The following SIPA1L1 variants were observed in gnomAD, a reference collection of about 807,000 sequenced individuals.
The protein encoded by SIPA1L1 is signal-induced proliferation-associated 1-like protein 1.
SIPA1L1 carries 26 observed loss-of-function variants against 162.7 expected under a neutral mutation model. That is an observed-to-expected ratio of 0.16 (90% confidence interval 0.12 to 0.22). The LOEUF is 0.22. SIPA1L1 is among the 10% of genes least tolerant of loss of function. The probability of loss-of-function intolerance (pLI) is 1.00; values close to 1 mark genes in which losing one functional copy is unlikely to be tolerated. For synonymous variants in SIPA1L1, 829 were observed against 837.4 expected (o/e 0.99, Z 0.17); for missense variants, 1,874 against 2,241.0 (o/e 0.84, Z 3.31).
chr14:71,629,083 A>T (rs1456265555), intron 7 of SIPA1L1, among the ~76,000 whole-genome samples: 2 of 151,992 alleles, frequency 1.3e-5, no homozygotes, highest in South Asian at 4.2e-4. Flanking sequence ...GACTACAGGC[A>T]CCCGCCACCA....
At chr14:71,506,883 G>A (rs1189893680) in intron 2 of SIPA1L1, among the ~76,000 whole-genome samples, 2 of 142,628 alleles carry the variant, frequency 1.4e-5, no homozygotes, top group East Asian at 4.2e-4. Context: ...AGGGTGGTCT[G>A]GAACTCCTGG....
At chr14:71,579,193 T>G (rs551199938) in intron 4 of SIPA1L1, among the ~76,000 whole-genome samples, 1 of 152,350 alleles carries the variant, frequency 6.6e-6, no homozygotes, top group East Asian at 1.9e-4. Context: ...TTTTAGCTCC[T>G]TAAGTAGATT....
At chr14:71,559,057 C>T (rs1232648001) in intron 4 of SIPA1L1, among the ~76,000 whole-genome samples, 1 of 151,452 alleles carries the variant, frequency 6.6e-6, no homozygotes, top group Non-Finnish European at 1.5e-5. Context: ...ATCGTAATTT[C>T]AGCTTTACTT....
chr14:71,507,013 T>G (rs1342091909), intron 2 of SIPA1L1, among the ~76,000 whole-genome samples: 1 of 152,110 alleles, frequency 6.6e-6, no homozygotes, highest in Non-Finnish European at 1.5e-5. Context: ...TATTTTATAT[T>G]GTAGAATTTC....
At chr14:71,363,455 G>A (rs1255053483) in intron 2 of SIPA1L1, among the ~76,000 whole-genome samples, 2 of 152,144 alleles carry the variant, frequency 1.3e-5, no homozygotes, top group Admixed American at 6.5e-5. Flanking sequence ...GATTGTCATA[G>A]TGTTTCTGGA....
intron 2 of SIPA1L1, among the ~76,000 whole-genome samples, chr14:71,393,229 A>G (rs1566967140): frequency 1.3e-5 from 2 of 152,218 alleles, no homozygotes; most frequent in East Asian, 1.9e-4. Flanking sequence ...AAAATTGTCA[A>G]GTTATTATAA....
intron 4 of SIPA1L1, among the ~76,000 whole-genome samples, chr14:71,583,046 G>A (rs2034149891): frequency 6.6e-6 from 1 of 152,180 alleles, no homozygotes; most frequent in African/African-American, 2.4e-5. Context: ...TAATATTCAA[G>A]TACTGTGAAG....
rs545724154 is a variant in SIPA1L1 at position 71,736,758 on chromosome 14, AAG to A, written c.5123+1369_5123+1370del. 5.9e-5 allele frequency among the ~76,000 whole-genome samples: 9 copies of A among 152,328 alleles called. No individual in the cohort carries two copies. In the South Asian group the frequency reaches 1.9e-3, roughly 32 times the overall value. On this transcript the variant is annotated intron_variant, in intron 22 of 23. Coordinates refer to ENST00000381232, the MANE Select transcript of SIPA1L1 (RefSeq NM_001386936.1). Reference sequence around the variant, plus strand: ...CAACAGAGAGAAGTGTGAGTGAGCCAAGACTGTTTTCCTGTGAAAGGATTATT... The same window carrying A: ...CAACAGAGAGAAGTGTGAGTGAGCCAACTGTTTTCCTGTGAAAGGATTATT...
chr14:71,697,179 G>A (rs1167992241), intron 13 of SIPA1L1, among the ~76,000 whole-genome samples: 1 of 152,128 alleles, frequency 6.6e-6, no homozygotes, highest in African/African-American at 2.4e-5. Context: ...GGAATGGGGT[G>A]GAGAGAGCCT....
intron 10 of SIPA1L1, among the ~76,000 whole-genome samples, chr14:71,668,340 A>G (rs952277162): frequency 8.5e-5 from 13 of 152,134 alleles, no homozygotes; most frequent in Non-Finnish European, 4.4e-5. Flanking sequence ...AGAAGCTTAC[A>G]TTCCAATCCT....
intron 2 of SIPA1L1, 93 bp from the exon 3 acceptor site, chr14:71,512,650 G>C (rs2051273093): frequency 7.9e-6 from 1 of 126,238 alleles, no homozygotes. Flanking sequence ...CATCTTTTGT[G>C]TGTGGGGGGA....
At chr14:71,543,841 TGTATGTGTATATATACATATATCATAC>T (rs751071585) in intron 4 of SIPA1L1, among the ~76,000 whole-genome samples, 1,699 of 149,160 alleles carry the variant, frequency 0.011, 15 homozygotes, top group African/African-American at 0.02. Flanking sequence ...ATATATCATA[TGTATGTGTATATATACATATATCATAC>T]GTATGTGTAT....
At chr14:71,643,259 G>C (rs2041883681) in intron 7 of SIPA1L1, among the ~76,000 whole-genome samples, 1 of 152,170 alleles carries the variant, frequency 6.6e-6, no homozygotes, top group Admixed American at 6.5e-5. Context: ...TTGATTTTCA[G>C]AAGAAAGGTT....
intron 4 of SIPA1L1, among the ~76,000 whole-genome samples, chr14:71,570,445 T>C (rs925452961): frequency 1.3e-5 from 2 of 151,964 alleles, no homozygotes; most frequent in East Asian, 3.9e-4. Flanking sequence ...GCTAAAGTTT[T>C]GTAGTGATAG....
chr14:71,350,325 T>C (rs1194789870), intron 2 of SIPA1L1, among the ~76,000 whole-genome samples: 1 of 152,000 alleles, frequency 6.6e-6, no homozygotes, highest in Non-Finnish European at 1.5e-5. Context: ...GGAGAATTGC[T>C]TGAACCCAGG....
In SIPA1L1 at chr14:71,671,254, A is replaced by G; in HGVS notation, c.2391A>G (p.Lys797=). Reference sequence around the variant, plus strand: ...TTAATGCAGAAAATGCTGCTCATAAATCGGAGAAGTTTCGGGCCATGGCAA... The same window carrying G: ...TTAATGCAGAAAATGCTGCTCATAAGTCGGAGAAGTTTCGGGCCATGGCAA... ...KVINAENAAH[K]SEKFRAMATR... is the part of the protein sequence containing the mutation. The change falls in exon 11 of 24, where the codon AAA becomes AAG. Residue 797 remains lysine, a synonymous_variant. Coordinates refer to ENST00000381232, the MANE Select transcript of SIPA1L1 (RefSeq NM_001386936.1). 1 of 1,614,144 alleles carries G rather than the reference A, an allele frequency of 6.2e-7. No individual in the cohort carries two copies. Among genetic ancestry groups the G allele is most frequent in the Non-Finnish European group, 8.5e-7 (1 of 1,180,022 alleles).
chr14:71,640,956 A>G (rs1466650133), intron 7 of SIPA1L1, among the ~76,000 whole-genome samples: 2 of 152,208 alleles, frequency 1.3e-5, no homozygotes, highest in African/African-American at 2.4e-5. Flanking sequence ...AAAAACCCCT[A>G]AAGTTAGACT....
chr14:71,603,365 G>A (rs1047478400), intron 5 of SIPA1L1, among the ~76,000 whole-genome samples: 1 of 151,472 alleles, frequency 6.6e-6, no homozygotes, highest in Non-Finnish European at 1.5e-5. Context: ...TTTATAGGGG[G>A]GACATATTTC....
rs559472953 is a variant in SIPA1L1 at position 71,583,544 on chromosome 14, C to T, written c.-302-4027C>T. 5.3e-5 allele frequency among the ~76,000 whole-genome samples: 8 copies of T among 152,110 alleles called. No individual in the cohort carries two copies. In the East Asian group the frequency reaches 1.2e-3, roughly 22 times the overall value. On this transcript the variant is annotated intron_variant, in intron 4 of 23. Transcript: ENST00000381232. ...CTTTCACAACAGGAACTGTAGTGTT[C>T]CCCCAACCCCACCCCCTTCCCACAT... is the stretch of plus-strand genomic sequence containing the variant.
Sources: gnomAD v4.1 joint callset for allele counts (sites outside exome capture counted in the v4.1 genomes callset) on GRCh38, gnomAD v4.1.1 for gene constraint, MANE v1.5 for transcripts, NCBI Gene and HGNC (gene_info 2026-07-23, HGNC 2026-07-21) for gene names.